Variants in GMEB2 observed in about 807,000 individuals in gnomAD.
GMEB2 encodes glucocorticoid modulatory element binding protein 2, also known as glucocorticoid modulatory element-binding protein 2.
In GMEB2, 7 loss-of-function variants were observed where a neutral mutation model predicts 45.7. The ratio of observed to expected loss-of-function variants is 0.15; its 90% CI spans 0.09 to 0.29. The LOEUF (loss-of-function observed/expected upper bound fraction) is 0.29. Among genes scored for constraint, GMEB2 ranks in the 10% least tolerant of loss-of-function variants. GMEB2 has a pLI of 1.00. For synonymous variants in GMEB2, 322 were observed against 323.6 expected (o/e 1.00, Z 0.05); for missense variants, 582 against 739.2 (o/e 0.79, Z 2.47).
intron 2 of GMEB2, among the ~76,000 whole-genome samples, chr20:63,615,190 T>C (rs2089599594): frequency 6.6e-6 from 1 of 152,148 alleles, no homozygotes; most frequent in Non-Finnish European, 1.5e-5. Context: ...TCTGGCCCAG[T>C]CTCCTCGTTG....
At chr20:63,604,527 T>A (rs1331367163) in intron 3 of GMEB2, among the ~76,000 whole-genome samples, 1 of 152,158 alleles carries the variant, frequency 6.6e-6, no homozygotes, top group African/African-American at 2.4e-5. Flanking sequence ...GCTCTCCTAT[T>A]AGTCATGGGC....
In GMEB2 at chr20:63,589,268, C is replaced by T. The variant is rs956060532; in HGVS notation, c.*821G>A. Reference sequence around the variant, plus strand: ...ACCTCCGCACCCGGTCAAGTGCACTCACAGGGGCTCAGGGGCCACCCAAAG... The same window carrying T: ...ACCTCCGCACCCGGTCAAGTGCACTTACAGGGGCTCAGGGGCCACCCAAAG... On this transcript the variant is annotated 3_prime_UTR_variant, in exon 10 of 10. Transcript: ENST00000370077. 2 of 398,574 alleles carry T rather than the reference C, an allele frequency of 5.0e-6. No individual in the cohort carries two copies. Among genetic ancestry groups the T allele is most frequent in the African/African-American group, 4.1e-5 (2 of 48,646 alleles). 24.7% of individuals were successfully genotyped at this position (398,574 alleles called of 1,614,324 possible).
rs559901763 is a variant in GMEB2, at chr20:63,592,201, C to A, written c.830-57G>T. On this transcript the variant is annotated intron_variant, in intron 8 of 9. Transcript: ENST00000370077. The surrounding 1 kb of genome is among the most constrained non-coding windows in gnomAD (Gnocchi z 8.2). ...CCCAAGCCCTTCCTAGAGAGCCACG[C>A]GGACGCTCGGTGAGAGCCCGGGACC... The A allele has an allele frequency of 1.1e-5, 17 of 1,555,846 alleles. No homozygotes were observed. The South Asian group carries it at 1.7e-4, about 16-fold the overall frequency.
At chr20:63,616,978 GT>G (rs756258226) in intron 2 of GMEB2, among the ~76,000 whole-genome samples, 127 of 144,818 alleles carry the variant, frequency 8.8e-4, no homozygotes, top group South Asian at 2.4e-3. Context: ...CCTTCTGGTG[GT>G]TTTTTTTTTT....
intron 2 of GMEB2, among the ~76,000 whole-genome samples, chr20:63,613,334 C>A (rs1180568948): frequency 6.6e-6 from 1 of 152,196 alleles, no homozygotes; most frequent in Non-Finnish European, 1.5e-5. Context: ...ACAGTGACCA[C>A]AGGAAACCAA....
intron 2 of GMEB2, among the ~76,000 whole-genome samples, chr20:63,609,008 C>A (rs199702787): frequency 6.0e-3 from 162 of 27,194 alleles, no homozygotes; most frequent in Non-Finnish European, 0.018. Flanking sequence ...TGACCCACAC[C>A]TCCATTTCTA....
At chr20:63,594,503 G>A (rs533363447) in intron 6 of GMEB2, among the ~76,000 whole-genome samples, 25 of 152,306 alleles carry the variant, frequency 1.6e-4, no homozygotes, top group Non-Finnish European at 2.6e-4. Flanking sequence ...GTGGAAGGGG[G>A]CCCAGGAGAA....
At chr20:63,600,928 T>C (rs1468778795) in intron 4 of GMEB2, among the ~76,000 whole-genome samples, 16 of 151,298 alleles carry the variant, frequency 1.1e-4, no homozygotes, top group Admixed American at 1.1e-3. Flanking sequence ...AAAGGGGAGG[T>C]CTGTCCCGAG....
At chr20:63,611,046 C>G (rs1016242606) in intron 2 of GMEB2, among the ~76,000 whole-genome samples, 2 of 152,224 alleles carry the variant, frequency 1.3e-5, no homozygotes, top group Admixed American at 1.3e-4. Context: ...CCAGCCCAGG[C>G]CCGAAAACCT....
chr20:63,595,194 G>C (rs1191724394), intron 6 of GMEB2, among the ~76,000 whole-genome samples: 1 of 150,762 alleles, frequency 6.6e-6, no homozygotes, highest in East Asian at 2.0e-4. Flanking sequence ...AAGGCACCCA[G>C]CACGGAAGGC....
rs1322323012 is a variant in GMEB2 at position 63,601,836 on chromosome 20, CCG to C, written c.357+1127_357+1128del. Among the ~76,000 whole-genome samples the C allele has an allele frequency of 6.5e-4, 87 of 134,322 alleles. 4 individuals carry two copies. Among genetic ancestry groups the C allele is most frequent in the Middle Eastern group, 3.9e-3 (1 of 256 alleles). 88.1% of individuals were successfully genotyped at this position (134,322 alleles called of 152,430 possible). A position where few individuals can be genotyped will look rare whatever the true frequency, so the allele number is the denominator to read the frequency against. Reference sequence around the variant, plus strand: ...GTGGCTTCTGTGCTGCCTGTGGCTTCCGTGGGGCCTGTGGCTTCCGTGGGGCC... The same window carrying C: ...GTGGCTTCTGTGCTGCCTGTGGCTTCTGGGGCCTGTGGCTTCCGTGGGGCC... On this transcript the variant is annotated intron_variant, in intron 4 of 9. Transcript: ENST00000370077.
chr20:63,591,810 C>A (rs2083149379), intron 9 of GMEB2, among the ~76,000 whole-genome samples: 1 of 152,224 alleles, frequency 6.6e-6, no homozygotes, highest in African/African-American at 2.4e-5. Flanking sequence ...CACAGAAATG[C>A]CGGTAAATGT....
chr20:63,608,527 C>CA (rs1172013803), intron 2 of GMEB2, among the ~76,000 whole-genome samples: 4 of 6,710 alleles, frequency 6.0e-4, no homozygotes, highest in African/African-American at 8.4e-4. Context: ...CCCTCTGACC[C>CA]CACATCCATT....
intron 2 of GMEB2, among the ~76,000 whole-genome samples, chr20:63,609,523 C>A (rs796977274): frequency 0.016 from 383 of 23,818 alleles, 1 homozygote; most frequent in Non-Finnish European, 0.045. Context: ...CTGACCCCAC[C>A]TCCATTTCTA....
chr20:63,598,343 G>C (rs868846856), intron 4 of GMEB2, among the ~76,000 whole-genome samples: 9 of 146,050 alleles, frequency 6.2e-5, no homozygotes, highest in Non-Finnish European at 9.0e-5. Flanking sequence ...CTCTCACTCT[G>C]ACACACACAC....
chr20:63,613,836 T>C (rs1438611637), intron 2 of GMEB2, among the ~76,000 whole-genome samples: 1 of 152,170 alleles, frequency 6.6e-6, no homozygotes, highest in Non-Finnish European at 1.5e-5. Flanking sequence ...AATAAAAATG[T>C]ACTTAATGTT....
At chr20:63,604,259 T>A (rs920245709) in intron 3 of GMEB2, among the ~76,000 whole-genome samples, 4 of 150,152 alleles carry the variant, frequency 2.7e-5, no homozygotes, top group Non-Finnish European at 4.4e-5. Context: ...ATGCCTGTAG[T>A]CCCAGCTACT....
Position 63,593,095 on chromosome 20 carries a change from G to A in GMEB2, c.620-13C>T, listed in dbSNP as rs1370158376. 3.8e-6 allele frequency: 6 copies of A among 1,578,046 alleles called. No homozygotes were observed. Among genetic ancestry groups the A allele is most frequent in the Non-Finnish European group, 5.2e-6 (6 of 1,149,788 alleles). ...GGAGACCCATTCACTGCAGCCGAAAGGGAACCTCGGGTGAGTGCTGTTTGG... is the reference window on the plus strand; with the variant it reads ...GGAGACCCATTCACTGCAGCCGAAAAGGAACCTCGGGTGAGTGCTGTTTGG... On this transcript the variant is annotated splice_polypyrimidine_tract_variant and intron_variant, in intron 6 of 9. Coordinates refer to ENST00000370077, the MANE Select transcript of GMEB2 (RefSeq NM_012384.5). The surrounding 1 kb of genome is among the most constrained non-coding windows in gnomAD (Gnocchi z 4.7).
At chr20:63,606,912 C>T (rs2089523915) in intron 2 of GMEB2, among the ~76,000 whole-genome samples, 2 of 152,212 alleles carry the variant, frequency 1.3e-5, no homozygotes. Flanking sequence ...ACCAGCGTTA[C>T]CACGCGTACG....
Sources: gnomAD v4.1 joint callset for allele counts (sites outside exome capture counted in the v4.1 genomes callset) on GRCh38, gnomAD v4.1.1 for gene constraint, Gnocchi (gnomAD v3.1) non-coding constraint, MANE v1.5 for transcripts, NCBI Gene and HGNC (gene_info 2026-07-23, HGNC 2026-07-21) for gene names.